The following TASOR2 variants were observed in gnomAD, a reference collection of about 807,000 sequenced individuals.
TASOR2 encodes protein TASOR 2.
Under a neutral mutation model 199.5 loss-of-function variants are expected in TASOR2, and 84 were observed. The ratio of observed to expected loss-of-function variants is 0.42; its 90% CI spans 0.35 to 0.50. TASOR2 has a LOEUF of 0.50. TASOR2 is among the 20% of genes least tolerant of loss of function. The pLI is 0.02. For missense variants in TASOR2, 2,796 were observed against 2,835.9 expected (o/e 0.99, Z 0.32); for synonymous variants, 1,103 against 1,046.6 (o/e 1.05, Z -1.04).
At chr10:5,734,199 TTC>T (rs1213056667) in intron 11 of TASOR2, among the ~76,000 whole-genome samples, 1 of 152,258 alleles carries the variant, frequency 6.6e-6, no homozygotes, top group African/African-American at 2.4e-5. Context: ...TTGAAACACT[TTC>T]TGTTGTGCAT....
chr10:5,713,002 T>C (rs1212603039), intron 2 of TASOR2, 84 bp downstream of exon 2: 19 of 658,922 alleles, frequency 2.9e-5, no homozygotes, highest in Non-Finnish European at 4.1e-5. Flanking sequence ...GTTGTAAGAT[T>C]ACCAATTCAT....
chr10:5,754,347 G>T lies in TASOR2; in HGVS notation c.6607-2266G>T, dbSNP rs775484507. On this transcript the variant is annotated intron_variant, in intron 15 of 20. Coordinates refer to ENST00000328090, the Ensembl canonical transcript of TASOR2. This position sits in a 1 kb window ranked among gnomAD's most constrained non-coding sequence, Gnocchi z 4.3. ...ATGAAGTGATAATGATTTTCATGAAGAAGAGAGCATGGCAATGCTAAGTTT... is the reference window on the plus strand; with the variant it reads ...ATGAAGTGATAATGATTTTCATGAATAAGAGAGCATGGCAATGCTAAGTTT... Among the ~76,000 whole-genome samples the T allele has an allele frequency of 2.0e-5, 3 of 152,016 alleles. No homozygotes were observed. The highest frequency in any genetic ancestry group is 2.9e-5 in the Non-Finnish European group (2 of 67,990).
intron 1 of TASOR2, among the ~76,000 whole-genome samples, chr10:5,688,023 G>A (rs921126555): frequency 2.6e-5 from 4 of 151,980 alleles, no homozygotes; most frequent in Non-Finnish European, 5.9e-5. Flanking sequence ...TTGCAAATAC[G>A]CTGAAGGTCT....
Position 5,722,825 on chromosome 10 carries a change from C to T in TASOR2, c.147-852C>T, listed in dbSNP as rs950089397. 2.6e-5 allele frequency among the ~76,000 whole-genome samples: 4 copies of T among 151,784 alleles called. No individual in the cohort carries two copies. Among genetic ancestry groups the T allele is most frequent in the Admixed American group, 6.6e-5 (1 of 15,246 alleles). ...GAGTTGGAAACCAGCCTGGCCAATA[C>T]GGTGAAACGCTGTCTCCACTGAAAA... On this transcript the variant is annotated intron_variant, in intron 6 of 20. Transcript: ENST00000328090. This position sits in a 1 kb window ranked among gnomAD's most constrained non-coding sequence, Gnocchi z 4.0.
intron 2 of TASOR2, among the ~76,000 whole-genome samples, chr10:5,713,360 T>C (rs560924113): frequency 6.6e-6 from 1 of 152,308 alleles, no homozygotes; most frequent in Admixed American, 6.5e-5. Context: ...CATTCAATAT[T>C]TGAAGACTGA....
chr10:5,745,111 TAAAAC>T (rs1169390564), intron 14 of TASOR2, among the ~76,000 whole-genome samples: 5 of 152,104 alleles, frequency 3.3e-5, no homozygotes, highest in Non-Finnish European at 5.9e-5. Flanking sequence ...AGGCTTTAAA[TAAAAC>T]AAAAAACAAA....
At chr10:5,712,491 TCAGTACAGTCAA>T in intron 1 of TASOR2, 1 of 1,231,780 alleles carries the variant, frequency 8.1e-7, no homozygotes, top group Non-Finnish European at 1.0e-6. Flanking sequence ...AGCATGGTTT[TCAGTACAGTCAA>T]GTGACTTTGG....
intron 1 of TASOR2, among the ~76,000 whole-genome samples, chr10:5,695,247 G>A (rs115173366): frequency 8.5e-5 from 13 of 152,280 alleles, no homozygotes; most frequent in Admixed American, 3.9e-4. Context: ...GGTTCCTGCC[G>A]TGATATTGCT....
chr10:5,738,533 T>G lies in TASOR2; in HGVS notation c.1448-1085T>G, dbSNP rs1018313181. Among the ~76,000 whole-genome samples the G allele has an allele frequency of 1.7e-4, 26 of 152,232 alleles. No homozygotes were observed. Among genetic ancestry groups the G allele is most frequent in the African/African-American group, 6.0e-4 (25 of 41,460 alleles). On this transcript the variant is annotated intron_variant, in intron 12 of 20. Transcript: ENST00000328090. The surrounding 1 kb of genome is among the most constrained non-coding windows in gnomAD (Gnocchi z 4.7). ...TTTCATCCACCTGTCCCCTTTGAGT[T>G]TGCTGTTTTAAATAAAAACTGGGCA... is the stretch of plus-strand genomic sequence containing the variant.
chr10:5,700,020 T>C lies in TASOR2; in HGVS notation c.-287-12803T>C, dbSNP rs188834953. On this transcript the variant is annotated intron_variant, in intron 1 of 20. Transcript: ENST00000328090. ...AGATTGTAAACTACAGTCAACCTAC[T>C]GATCTAACACTAGGTCTTCTATCAA... Among the ~76,000 whole-genome samples the C allele has an allele frequency of 2.1e-3, 317 of 152,310 alleles. 1 individual carries two copies. The highest frequency in any genetic ancestry group is 7.1e-3 in the African/African-American group (296 of 41,580).
rs1837975696 is a variant in TASOR2 at position 5,751,108 on chromosome 10, A to T, written c.6606+1081A>T. Among the ~76,000 whole-genome samples, 1 of 152,204 alleles carries T rather than the reference A, an allele frequency of 6.6e-6. No individual in the cohort carries two copies. The highest frequency in any genetic ancestry group is 2.4e-5 in the African/African-American group (1 of 41,456). Reference sequence around the variant, plus strand: ...CATTCATTGTATCAGGAGGCACCCGATGTTGATTTATCCCCTTACTGGTAT... The same window carrying T: ...CATTCATTGTATCAGGAGGCACCCGTTGTTGATTTATCCCCTTACTGGTAT... On this transcript the variant is annotated intron_variant, in intron 15 of 20. Coordinates refer to ENST00000328090, the Ensembl canonical transcript of TASOR2. The surrounding 1 kb of genome is among the most constrained non-coding windows in gnomAD (Gnocchi z 5.3).
rs1588732737 is a variant in TASOR2 at position 5,724,424 on chromosome 10, C to T, written c.248-6C>T. ...ATAAGAAATGTTTTTCTGGTTTTCT[C>T]TACAGTCTGTTTTCAAGATTTGTGC... On this transcript the variant is annotated splice_polypyrimidine_tract_variant and splice_region_variant and intron_variant, in intron 7 of 20. Transcript: ENST00000328090. The T allele has an allele frequency of 6.8e-7, 1 of 1,480,002 alleles. No homozygotes were observed. The highest frequency in any genetic ancestry group is 9.1e-7 in the Non-Finnish European group (1 of 1,097,724). 91.7% of individuals were successfully genotyped at this position (1,480,002 alleles called of 1,614,324 possible).
At chr10:5,753,051 G>C (rs776016789) in intron 15 of TASOR2, among the ~76,000 whole-genome samples, 2 of 152,136 alleles carry the variant, frequency 1.3e-5, no homozygotes, top group East Asian at 1.9e-4. Context: ...AGTAGGGAAG[G>C]ATTTTTTAAA....
At chr10:5,724,300 A>G (rs1833748610) in intron 7 of TASOR2, 130 bp from the exon 9 acceptor site, 2 of 417,994 alleles carry the variant, frequency 4.8e-6, no homozygotes, top group South Asian at 2.6e-5. Context: ...AACCAAGAAC[A>G]GTAAATGATA....
At chr10:5,753,565 C>T (rs887203492) in intron 15 of TASOR2, among the ~76,000 whole-genome samples, 1 of 152,072 alleles carries the variant, frequency 6.6e-6, no homozygotes, top group Non-Finnish European at 1.5e-5. Context: ...GGAGTTTCAC[C>T]GTGTTAGGAT....
chr10:5,742,639 T>C lies in TASOR2; in HGVS notation c.2757+113T>C. ...TTTTAAATTTTAGGACAGTGAATTC[T>C]CAAGGTATGTAAAGAACTATTACAC... On this transcript the variant is annotated intron_variant, in intron 14 of 20. Transcript: ENST00000328090. The surrounding 1 kb of genome is among the most constrained non-coding windows in gnomAD (Gnocchi z 4.2). The C allele has an allele frequency of 1.0e-6, 1 of 993,614 alleles. No homozygotes were observed. Among genetic ancestry groups the C allele is most frequent in the Non-Finnish European group, 1.5e-6 (1 of 681,132 alleles). The allele number at this position is 993,614 out of a possible 1,614,324, so 61.5% of individuals were successfully genotyped here.
intron 16 of TASOR2, among the ~76,000 whole-genome samples, chr10:5,756,965 T>G (rs1345068921): frequency 1.3e-5 from 2 of 152,094 alleles, no homozygotes; most frequent in Non-Finnish European, 2.9e-5. Context: ...AGGTGAGAGG[T>G]TGCTAAATTT....
At chr10:5,733,528 AC>A (rs1235934905) in intron 11 of TASOR2, among the ~76,000 whole-genome samples, 1 of 152,240 alleles carries the variant, frequency 6.6e-6, no homozygotes, top group Admixed American at 6.5e-5. Context: ...TAGTTGTGAC[AC>A]ATTGAATTTA....
chr10:5,711,738 A>G (rs182540621), intron 1 of TASOR2, among the ~76,000 whole-genome samples: 387 of 152,248 alleles, frequency 2.5e-3, no homozygotes, highest in Middle Eastern at 0.014. Context: ...TCACATGGGT[A>G]TGGTTTGAAA....
Sources: allele counts gnomAD v4.1 joint callset (sites outside exome capture counted in the v4.1 genomes callset), GRCh38; gene constraint gnomAD v4.1.1; non-coding constraint Gnocchi (gnomAD v3.1); transcripts MANE v1.5; gene names NCBI Gene and HGNC (gene_info 2026-07-23, HGNC 2026-07-21).